Variants in PDE1C observed in about 807,000 individuals in gnomAD.
The protein encoded by PDE1C is phosphodiesterase 1C.
In PDE1C, 62 loss-of-function variants were observed where a neutral mutation model predicts 93.1. That is an observed-to-expected ratio of 0.67 (90% CI 0.54 to 0.82). PDE1C has a LOEUF of 0.82. Ranked by LOEUF, PDE1C falls within the 40% of genes least tolerant of loss-of-function variation. PDE1C has a pLI of 0.00. For synonymous variants in PDE1C, 325 were observed against 310.1 expected (o/e 1.05, Z -0.50); for missense variants, 742 against 884.6 (o/e 0.84, Z 2.04).
chr7:32,191,103 C>T (rs1390650812), intron 2 of PDE1C, among the ~76,000 whole-genome samples: 1 of 152,144 alleles, frequency 6.6e-6, no homozygotes, highest in Non-Finnish European at 1.5e-5. Flanking sequence ...AGGGCTTTGA[C>T]TTTATTCTGC....
At chr7:31,667,838 G>GA in the PDE1C span, among the ~76,000 whole-genome samples, 41 of 150,586 alleles carry the variant, frequency 2.7e-4, no homozygotes, top group African/African-American at 7.1e-4. Context: ...ATGAATCTGG[G>GA]AAAAAAAAAT....
chr7:31,707,145 A>G, the PDE1C span: 1 of 1,503,550 alleles, frequency 6.7e-7, no homozygotes, highest in Non-Finnish European at 9.2e-7. Context: ...TCTGTCTGCA[A>G]CGTTGCCTAA....
chr7:32,425,889 T>G (rs1785518338), intron 1 of PDE1C, among the ~76,000 whole-genome samples: 1 of 152,134 alleles, frequency 6.6e-6, no homozygotes, highest in African/African-American at 2.4e-5. Context: ...TTCAGTAAGC[T>G]GTGCTCGCAC....
At chr7:31,850,218 T>C (rs917755) in intron 8 of PDE1C, among the ~76,000 whole-genome samples, 123,630 of 151,950 alleles carry the variant, frequency 0.81, 50,416 homozygotes, top group East Asian at 0.96. Context: ...CATCAGAATC[T>C]CAGAGATCAG....
At chr7:32,197,066 T>C (rs1211711527) in intron 2 of PDE1C, among the ~76,000 whole-genome samples, 3 of 152,210 alleles carry the variant, frequency 2.0e-5, no homozygotes, top group Non-Finnish European at 4.4e-5. Context: ...TTTGGCAGTT[T>C]TTTTGTGATG....
At chr7:31,702,757 G>A in the PDE1C span, among the ~76,000 whole-genome samples, 1 of 152,146 alleles carries the variant, frequency 6.6e-6, no homozygotes, top group Non-Finnish European at 1.5e-5. Flanking sequence ...TTGATATCTA[G>A]TCCAATCATT....
chr7:31,907,826 G>C (rs946874560), intron 2 of PDE1C, among the ~76,000 whole-genome samples: 1 of 151,952 alleles, frequency 6.6e-6, no homozygotes, highest in African/African-American at 2.4e-5. Context: ...CTTGTACAGA[G>C]TAATTTACTT....
chr7:32,416,327 A>G (rs1785276459), intron 1 of PDE1C, among the ~76,000 whole-genome samples: 1 of 152,078 alleles, frequency 6.6e-6, no homozygotes, highest in Admixed American at 6.5e-5. Context: ...ATGAGACGGG[A>G]CTCTGGGCAC....
chr7:31,956,575 A>C (rs1808179426), intron 2 of PDE1C, among the ~76,000 whole-genome samples: 1 of 151,806 alleles, frequency 6.6e-6, no homozygotes, highest in Non-Finnish European at 1.5e-5. Flanking sequence ...AGTAAGAAAA[A>C]AGCCTTCTTT....
At chr7:31,925,527 A>G (rs529765701) in intron 2 of PDE1C, among the ~76,000 whole-genome samples, 1 of 152,272 alleles carries the variant, frequency 6.6e-6, no homozygotes, top group East Asian at 1.9e-4. Flanking sequence ...TTGTGTTTTA[A>G]AAAGTATTTA....
intron 2 of PDE1C, among the ~76,000 whole-genome samples, chr7:31,924,061 A>G (rs1423987821): frequency 6.6e-6 from 1 of 152,188 alleles, no homozygotes; most frequent in East Asian, 1.9e-4. Flanking sequence ...TGAGGTTTCT[A>G]TCATTTTGGC....
At chr7:31,674,670 GA>G in the PDE1C span, among the ~76,000 whole-genome samples, 1 of 152,128 alleles carries the variant, frequency 6.6e-6, no homozygotes, top group Non-Finnish European at 1.5e-5. Flanking sequence ...GATCAGTGGG[GA>G]AAGAATGGAC....
intron 1 of PDE1C, among the ~76,000 whole-genome samples, chr7:32,271,159 A>T (rs752655602): frequency 3.3e-5 from 5 of 152,046 alleles, no homozygotes; most frequent in Non-Finnish European, 5.9e-5. Context: ...AACAACAAAC[A>T]AACAAACAGG....
At chr7:31,958,673 C>T (rs575191450) in intron 2 of PDE1C, among the ~76,000 whole-genome samples, 1 of 151,952 alleles carries the variant, frequency 6.6e-6, no homozygotes, top group African/African-American at 2.4e-5. Context: ...CATAGTGCAC[C>T]CAGACACAAT....
intron 1 of PDE1C, among the ~76,000 whole-genome samples, chr7:32,212,357 C>A (rs567151934): frequency 6.6e-6 from 1 of 152,168 alleles, no homozygotes; most frequent in African/African-American, 2.4e-5. Flanking sequence ...ATCCAAGTCA[C>A]GCCAGGAAAG....
At chr7:31,801,585 A>G (rs1786048104) in intron 16 of PDE1C, among the ~76,000 whole-genome samples, 1 of 151,510 alleles carries the variant, frequency 6.6e-6, no homozygotes. Context: ...TCTATTAATT[A>G]TTGAGAAAGA....
At chr7:32,405,666 G>A (rs1785038720) in intron 1 of PDE1C, among the ~76,000 whole-genome samples, 1 of 152,162 alleles carries the variant, frequency 6.6e-6, no homozygotes, top group Non-Finnish European at 1.5e-5. Context: ...TGAGGCTGAG[G>A]CCTTGTGTCC....
intron 2 of PDE1C, among the ~76,000 whole-genome samples, chr7:31,966,247 T>C (rs1809939974): frequency 6.6e-6 from 1 of 151,682 alleles, no homozygotes; most frequent in Non-Finnish European, 1.5e-5. Flanking sequence ...AGGCTCAAAA[T>C]AAAGGGATGG....
intron 1 of PDE1C, among the ~76,000 whole-genome samples, chr7:32,236,730 C>T (rs1452048176): frequency 6.6e-6 from 1 of 152,176 alleles, no homozygotes; most frequent in Admixed American, 6.5e-5. Flanking sequence ...AATAGTACAG[C>T]CACTCTGGAA....
Sources: allele counts gnomAD v4.1 joint callset (sites outside exome capture counted in the v4.1 genomes callset), GRCh38; gene constraint gnomAD v4.1.1; transcripts MANE v1.5; gene names NCBI Gene and HGNC (gene_info 2026-07-23, HGNC 2026-07-21).